The following CNNM4 variants were observed in gnomAD, a reference collection of about 807,000 sequenced individuals.
CNNM4 encodes the protein cyclin and CBS domain divalent metal cation transport mediator 4.
CNNM4 carries 32 observed loss-of-function variants against 53.7 expected under a neutral mutation model. The observed-to-expected ratio is 0.60, with a 90% CI of 0.45 to 0.80. The LOEUF is 0.80. Ranked by LOEUF, CNNM4 falls within the 30% of genes least tolerant of loss-of-function variation. CNNM4 has a pLI of 0.00. For missense variants in CNNM4, 784 were observed against 1,022.0 expected, an observed-to-expected ratio of 0.77 and a Z score of 3.17; for synonymous variants, 410 against 440.0, an observed-to-expected ratio of 0.93 and a Z score of 0.85.
chr2:96,799,363 T>C, intron 4 of CNNM4, 137 bp downstream of exon 4: 1 of 1,294,984 alleles, frequency 7.7e-7, no homozygotes, highest in East Asian at 2.4e-5. Flanking sequence ...GAGCCCCGCC[T>C]GCCCCACGTG....
At chr2:96,793,354 G>A (rs1375422996) in intron 1 of CNNM4, among the ~76,000 whole-genome samples, 1 of 152,174 alleles carries the variant, frequency 6.6e-6, no homozygotes, top group African/African-American at 2.4e-5. Flanking sequence ...ACAGCCCAGG[G>A]GCCCAAAGCT....
intron 1 of CNNM4, among the ~76,000 whole-genome samples, chr2:96,790,948 T>A (rs1329118352): frequency 2.0e-5 from 3 of 149,724 alleles, no homozygotes; most frequent in African/African-American, 7.4e-5. Flanking sequence ...GGTGAAACCC[T>A]GTCTCTATTA....
At chr2:96,805,086 A>G (rs2079189714) in intron 5 of CNNM4, among the ~76,000 whole-genome samples, 1 of 152,130 alleles carries the variant, frequency 6.6e-6, no homozygotes, top group South Asian at 2.1e-4. Context: ...GTTAGCATTA[A>G]TTAAAAGCAT....
At chr2:96,771,143 G>A (rs983161170) in intron 1 of CNNM4, among the ~76,000 whole-genome samples, 8 of 152,064 alleles carry the variant, frequency 5.3e-5, no homozygotes, top group African/African-American at 7.2e-5. Flanking sequence ...CTGCTGCCAC[G>A]CCTGCCCTGC....
intron 5 of CNNM4, among the ~76,000 whole-genome samples, chr2:96,807,063 T>G (rs2079215388): frequency 6.6e-6 from 1 of 151,944 alleles, no homozygotes. Flanking sequence ...GTGGACAGAG[T>G]GTAGTGGTAC....
intron 1 of CNNM4, among the ~76,000 whole-genome samples, chr2:96,769,201 AGATC>A (rs763638135): frequency 6.6e-6 from 1 of 151,356 alleles, no homozygotes; most frequent in Non-Finnish European, 1.5e-5. Context: ...CAGTGAGCCG[AGATC>A]GCGCCACTGC....
Position 96,762,419 on chromosome 2 carries a change from TC to T in CNNM4, c.1402+22del, listed in dbSNP as rs1286888332. 49 of 1,610,574 alleles carry T rather than the reference TC, an allele frequency of 3.0e-5. No individual in the cohort carries two copies. The highest frequency in any genetic ancestry group is 4.1e-5 in the Non-Finnish European group (48 of 1,176,830). ...CAAGAAGGGTAAGGCCAGATGTAGT[TC>T]CCCTGGTTCAATTTCCTCTTGACGC... On this transcript the variant is annotated intron_variant, in intron 1 of 6. Coordinates refer to ENST00000377075, the MANE Select transcript of CNNM4 (RefSeq NM_020184.4).
chr2:96,808,619 C>CCGCACAGA lies in CNNM4; in HGVS notation c.2010_2017dup (p.Val673AlafsTer64). 1 of 1,614,194 alleles carries CCGCACAGA rather than the reference C, an allele frequency of 6.2e-7. No homozygotes were observed. The highest frequency in any genetic ancestry group is 1.1e-5 in the South Asian group (1 of 91,082). On this transcript the variant is annotated frameshift_variant, in exon 6 of 7. Coordinates refer to ENST00000377075, the MANE Select transcript of CNNM4 (RefSeq NM_020184.4). LOFTEE classifies it high-confidence loss of function. This position sits in a 1 kb window ranked among gnomAD's most constrained non-coding sequence, Gnocchi z 4.9. ...GCTCAGCCTCCCTCAGTTACCCAGA[C>CCGCACAGA]CGCACAGACGTCTCAACTGCAGCAA...
At chr2:96,775,795 A>C (rs748288539) in intron 1 of CNNM4, among the ~76,000 whole-genome samples, 1 of 152,160 alleles carries the variant, frequency 6.6e-6, no homozygotes, top group Non-Finnish European at 1.5e-5. Context: ...GCATGATCAC[A>C]GCTCACTGCA....
chr2:96,772,269 G>GCACA (rs2078879843), intron 1 of CNNM4, among the ~76,000 whole-genome samples: 1 of 111,250 alleles, frequency 9.0e-6, no homozygotes, highest in African/African-American at 3.7e-5. Context: ...CCCCATGCGC[G>GCACA]CACACACACT....
At chr2:96,791,792 TG>T (rs2079064586) in intron 1 of CNNM4, among the ~76,000 whole-genome samples, 1 of 152,046 alleles carries the variant, frequency 6.6e-6, no homozygotes, top group African/African-American at 2.4e-5. Context: ...AATCTACATA[TG>T]GGGGATTCAG....
chr2:96,761,366 G>T lies in CNNM4; in HGVS notation c.367G>T (p.Val123Leu). 1 of 1,614,080 alleles carries T rather than the reference G, an allele frequency of 6.2e-7. No individual in the cohort carries two copies. The highest frequency in any genetic ancestry group is 8.5e-7 in the Non-Finnish European group (1 of 1,180,036). ...KDLVVQQLVN[V>L]SRGNTSGVLV... ...CCTGGTCGTCCAGCAGCTGGTCAAC[G>T]TGAGCCGCGGGAACACGTCCGGCGT... is the stretch of plus-strand genomic sequence containing the variant. The change falls in exon 1 of 7, where the codon GTG (valine) becomes TTG (leucine). Residue 123 changes from valine to leucine, a missense_variant. Coordinates refer to ENST00000377075, the MANE Select transcript of CNNM4 (RefSeq NM_020184.4). The surrounding 1 kb of genome is among the most constrained non-coding windows in gnomAD (Gnocchi z 6.0).
chr2:96,761,794 C>A lies in CNNM4; in HGVS notation c.795C>A (p.Ile265=). Residue 265 remains isoleucine, a synonymous_variant, in exon 1 of 7, where the codon ATC becomes ATA. Transcript: ENST00000377075. The surrounding 1 kb of genome is among the most constrained non-coding windows in gnomAD (Gnocchi z 6.0). ...TCACAATCCTTCTAGACAACCTCAT[C>A]GGGTCCGGCCTCATGGCGGTGGCCT... is the stretch of plus-strand genomic sequence containing the variant. ...TSLTILLDNL[I]GSGLMAVASS... 1 of 1,613,600 alleles carries A rather than the reference C, an allele frequency of 6.2e-7. No individual in the cohort carries two copies. The highest frequency in any genetic ancestry group is 8.5e-7 in the Non-Finnish European group (1 of 1,180,036).
chr2:96,783,608 TG>T (rs2078992406), intron 1 of CNNM4, among the ~76,000 whole-genome samples: 2 of 152,330 alleles, frequency 1.3e-5, no homozygotes, highest in East Asian at 3.9e-4. Flanking sequence ...TTGTCCTGAC[TG>T]TGTCTTCTAG....
At chr2:96,776,407 C>T (rs1296939594) in intron 1 of CNNM4, among the ~76,000 whole-genome samples, 1 of 151,978 alleles carries the variant, frequency 6.6e-6, no homozygotes, top group Non-Finnish European at 1.5e-5. Context: ...TTGATAGATT[C>T]ATGTAATCAA....
rs769611022 is a variant in CNNM4, at chr2:96,797,411, G to T, written c.1547-102G>T. The T allele has an allele frequency of 6.5e-6, 10 of 1,534,164 alleles. No homozygotes were observed. Among genetic ancestry groups the T allele is most frequent in the Non-Finnish European group, 8.0e-6 (9 of 1,119,500 alleles). On this transcript the variant is annotated intron_variant, in intron 2 of 6. Coordinates refer to ENST00000377075, the MANE Select transcript of CNNM4 (RefSeq NM_020184.4). The surrounding 1 kb of genome is among the most constrained non-coding windows in gnomAD (Gnocchi z 6.0). The stretch of plus-strand genomic sequence containing the variant: ...GCCAGCCAGAGCCTGCTGCTCCTGC[G>T]TGGGACTAGGGGCTGGAGAGCAGGA...
chr2:96,782,411 CAAAAA>C (rs763103436), intron 1 of CNNM4, among the ~76,000 whole-genome samples: 1 of 81,154 alleles, frequency 1.2e-5, no homozygotes. Flanking sequence ...GACATTGTCT[CAAAAA>C]AAAAAAAAAA....
intron 1 of CNNM4, among the ~76,000 whole-genome samples, chr2:96,776,298 G>A (rs1163709252): frequency 1.3e-5 from 2 of 151,960 alleles, no homozygotes; most frequent in African/African-American, 4.8e-5. Context: ...AAAGTGCTGG[G>A]ATTACAGGCG....
At position 96,809,316 on chromosome 2, in the gene CNNM4, G is replaced by A. The variant is rs1424234779; in HGVS notation, c.2131-4G>A. The A allele has an allele frequency of 6.2e-7, 1 of 1,613,882 alleles. No homozygotes were observed. The highest frequency in any genetic ancestry group is 1.7e-5 in the Admixed American group (1 of 59,986). Reference sequence around the variant, plus strand: ...CTCCATGAACTCATCCCTTCCTCATGCAGATCACTCGGCAGCAGTACCAGA... The same window carrying A: ...CTCCATGAACTCATCCCTTCCTCATACAGATCACTCGGCAGCAGTACCAGA... On this transcript the variant is annotated splice_polypyrimidine_tract_variant and splice_region_variant and intron_variant, in intron 6 of 6. Transcript: ENST00000377075.
Sources: allele counts gnomAD v4.1 joint callset (sites outside exome capture counted in the v4.1 genomes callset), GRCh38; gene constraint gnomAD v4.1.1; non-coding constraint Gnocchi (gnomAD v3.1); transcripts MANE v1.5; gene names NCBI Gene and HGNC (gene_info 2026-07-23, HGNC 2026-07-21).